The following ZFHX3 variants were observed in gnomAD, a reference collection of about 807,000 sequenced individuals.
ZFHX3 encodes the protein zinc finger homeobox protein 3.
ZFHX3 carries 42 observed loss-of-function variants against 279.1 expected under a neutral mutation model. That is an observed-to-expected ratio of 0.15 (90% CI 0.12 to 0.19). The LOEUF is 0.19. Among genes scored for constraint, ZFHX3 ranks in the 10% least tolerant of loss-of-function variants. The pLI is 1.00. For missense variants in ZFHX3, 4,981 were observed against 4,754.0 expected, an observed-to-expected ratio of 1.05 and a Z score of -1.40; for synonymous variants, 2,293 against 1,957.8, an observed-to-expected ratio of 1.17 and a Z score of -4.52.
intron 4 of ZFHX3, among the ~76,000 whole-genome samples, chr16:72,863,448 A>T (rs2037935705): frequency 6.6e-6 from 1 of 151,532 alleles, no homozygotes; most frequent in African/African-American, 2.4e-5. Flanking sequence ...AGCCTGGAAG[A>T]TCAAGGCTGT....
At chr16:73,185,520 T>C (rs1432326178) in intron 5 of ZFHX3, among the ~76,000 whole-genome samples, 1 of 152,048 alleles carries the variant, frequency 6.6e-6, no homozygotes, top group Non-Finnish European at 1.5e-5. Context: ...TAAGCAAGTA[T>C]CCCCCAAAAG....
Position 72,796,794 on chromosome 16 carries a change from T to C in ZFHX3, c.5888A>G (p.Asn1963Ser), listed in dbSNP as rs2035923484. The change falls in exon 9 of 10, where the codon AAC (asparagine) becomes AGC (serine). Residue 1963 changes from asparagine (N) to serine (S), a missense_variant. Coordinates refer to ENST00000268489, the MANE Select transcript of ZFHX3 (RefSeq NM_006885.4). Reference sequence around the variant, plus strand: ...ATTCTTTTTCTGCACCTTCTGCTTGTTCTCATTATACTGGATGACCAACTC... The same window carrying C: ...ATTCTTTTTCTGCACCTTCTGCTTGCTCTCATTATACTGGATGACCAACTC... ...GFELVIQYNE[N>S]KQKVQKKNGK... 6.2e-7 allele frequency: 1 copy of C among 1,613,250 alleles called. No homozygotes were observed. The highest frequency in any genetic ancestry group is 1.3e-5 in the African/African-American group (1 of 74,662).
At chr16:72,919,875 C>T (rs1471182571) in intron 3 of ZFHX3, among the ~76,000 whole-genome samples, 2 of 133,558 alleles carry the variant, frequency 1.5e-5, no homozygotes, top group Non-Finnish European at 3.1e-5. Flanking sequence ...CTCACTGCAA[C>T]CTCTACCTCC....
intron 3 of ZFHX3, among the ~76,000 whole-genome samples, chr16:73,447,388 T>C (rs1390725536): frequency 3.9e-5 from 6 of 152,138 alleles, no homozygotes; most frequent in African/African-American, 9.6e-5. Flanking sequence ...CTTTTAACCA[T>C]ACCCTGAATC....
chr16:72,958,825 C>T lies in ZFHX3; in HGVS notation c.1321G>A (p.Gly441Arg). 6.2e-7 allele frequency: 1 copy of T among 1,614,162 alleles called. No individual in the cohort carries two copies. The highest frequency in any genetic ancestry group is 8.5e-7 in the Non-Finnish European group (1 of 1,180,036). Reference protein sequence around the residue: ...SEGKDSGAAEGEKQEVGDGDC... With the variant: ...SEGKDSGAAEREKQEVGDGDC... The stretch of plus-strand genomic sequence containing the variant: ...CCGTCGCCCACTTCCTGCTTCTCTC[C>T]TTCTGCCGCCCCAGAGTCCTTGCCC... The change falls in exon 2 of 10, where the codon GGA (glycine) becomes AGA (arginine). Residue 441 changes from glycine (G) to arginine (R), a missense_variant. Physicochemically the swap from Gly to Arg is moderately radical, Grantham distance 125. Coordinates refer to ENST00000268489, the MANE Select transcript of ZFHX3 (RefSeq NM_006885.4).
intron 5 of ZFHX3, among the ~76,000 whole-genome samples, chr16:73,225,295 T>C (rs1375515606): frequency 6.6e-6 from 1 of 152,182 alleles, no homozygotes; most frequent in African/African-American, 2.4e-5. Flanking sequence ...TGAACAGCCC[T>C]ATAGGCTATA....
intron 1 of ZFHX3, chr16:73,809,411 C>T (rs1269051786): frequency 1.3e-5 from 2 of 152,210 alleles, no homozygotes; most frequent in Non-Finnish European, 2.9e-5. Flanking sequence ...TGACCTGCCG[C>T]TTCATTCAAA....
At chr16:72,891,703 T>C (rs575195212) in intron 3 of ZFHX3, among the ~76,000 whole-genome samples, 2 of 152,288 alleles carry the variant, frequency 1.3e-5, no homozygotes, top group South Asian at 2.1e-4. Flanking sequence ...CAGCATCCTT[T>C]TGAAGGAGGA....
At chr16:73,697,015 G>A (rs1226953507) in intron 1 of ZFHX3, among the ~76,000 whole-genome samples, 2 of 152,024 alleles carry the variant, frequency 1.3e-5, no homozygotes, top group Non-Finnish European at 2.9e-5. Context: ...AGAAAAGAAA[G>A]GGGAAAATGT....
intron 1 of ZFHX3, among the ~76,000 whole-genome samples, chr16:72,975,633 T>C (rs1383325009): frequency 3.9e-5 from 6 of 152,188 alleles, no homozygotes; most frequent in Non-Finnish European, 8.8e-5. Context: ...ACTGGCCACT[T>C]CAAAGAGCGG....
chr16:73,171,519 A>G (rs993085320), intron 5 of ZFHX3, among the ~76,000 whole-genome samples: 6 of 150,538 alleles, frequency 4.0e-5, no homozygotes, highest in Non-Finnish European at 5.9e-5. Context: ...GGGGGCGGGC[A>G]GAGTGAACCC....
chr16:73,409,079 G>C (rs572347220), intron 3 of ZFHX3, among the ~76,000 whole-genome samples: 7 of 152,168 alleles, frequency 4.6e-5, no homozygotes, highest in Non-Finnish European at 1.0e-4. Context: ...CAGTAAAGTA[G>C]AAGTGTTAAC....
At chr16:73,560,567 C>T (rs562757588) in intron 2 of ZFHX3, among the ~76,000 whole-genome samples, 5 of 152,240 alleles carry the variant, frequency 3.3e-5, no homozygotes, top group Admixed American at 6.5e-5. Flanking sequence ...AATTGCTAGG[C>T]GGGTTTGGGT....
chr16:73,455,315 C>G (rs183277567), intron 3 of ZFHX3, among the ~76,000 whole-genome samples: 2 of 152,038 alleles, frequency 1.3e-5, no homozygotes, highest in African/African-American at 4.8e-5. Flanking sequence ...AAATTGATTG[C>G]GAGAATAGAG....
intron 2 of ZFHX3, among the ~76,000 whole-genome samples, chr16:73,673,718 G>A (rs957120237): frequency 6.6e-6 from 1 of 152,210 alleles, no homozygotes; most frequent in South Asian, 2.1e-4. Context: ...CAAAATTGAA[G>A]TGCTGAGCTG....
chr16:72,875,646 C>T (rs1431193588), intron 4 of ZFHX3, among the ~76,000 whole-genome samples: 2 of 152,184 alleles, frequency 1.3e-5, no homozygotes, highest in Non-Finnish European at 2.9e-5. Context: ...AACGCTAATG[C>T]AGCCAAAAAC....
chr16:73,588,458 A>G (rs7201771), intron 2 of ZFHX3, among the ~76,000 whole-genome samples: 100,750 of 151,660 alleles, frequency 0.66, 33,789 homozygotes, highest in East Asian at 0.86. Flanking sequence ...AGGCCGAGAC[A>G]GGTGGATCAC....
intron 4 of ZFHX3, among the ~76,000 whole-genome samples, chr16:72,871,849 G>C (rs1305976735): frequency 6.6e-6 from 1 of 152,068 alleles, no homozygotes; most frequent in Non-Finnish European, 1.5e-5. Context: ...ACTTTGGGAG[G>C]CTGAGGCAGG....
Position 72,958,146 on chromosome 16 carries a change from G to A in ZFHX3, c.2000C>T (p.Ser667Leu), listed in dbSNP as rs544260229. 21 of 1,614,102 alleles carry A rather than the reference G, an allele frequency of 1.3e-5. No homozygotes were observed. The highest frequency in any genetic ancestry group is 1.6e-4 in the Middle Eastern group (1 of 6,062). The change falls in exon 2 of 10, where the codon TCG (serine) becomes TTG (leucine). Residue 667 changes from serine (S) to leucine (L), a missense_variant. Physicochemically the swap from Ser to Leu is moderately radical, Grantham distance 145. Coordinates refer to ENST00000268489, the MANE Select transcript of ZFHX3 (RefSeq NM_006885.4). ...GHMTMMHSRN[S>L]CKTLKCPKCN... ...CTTGGGGCACTTGAGTGTCTTACAC[G>A]AGTTACGAGAATGCATCATGGTCAT...
Sources: gnomAD v4.1 joint callset for allele counts (sites outside exome capture counted in the v4.1 genomes callset) on GRCh38, gnomAD v4.1.1 for gene constraint, MANE v1.5 for transcripts, NCBI Gene and HGNC (gene_info 2026-07-23, HGNC 2026-07-21) for gene names.